The following PIBF1 variants were observed in gnomAD, a reference collection of about 807,000 sequenced individuals.
PIBF1 encodes progesterone immunomodulatory binding factor 1.
In PIBF1, 90 loss-of-function variants were observed where a neutral mutation model predicts 112.5. The observed-to-expected ratio is 0.80, with a 90% CI of 0.67 to 0.95. PIBF1 has a LOEUF of 0.95. Ranked by LOEUF, PIBF1 falls within the 40% of genes least tolerant of loss-of-function variation. PIBF1 has a pLI of 0.00. For synonymous variants in PIBF1, 301 were observed against 288.6 expected, an observed-to-expected ratio of 1.04 and a Z score of -0.44; for missense variants, 915 against 852.3, an observed-to-expected ratio of 1.07 and a Z score of -0.92.
At chr13:72,937,348 T>C (rs1333673631) in intron 14 of PIBF1, among the ~76,000 whole-genome samples, 2 of 152,228 alleles carry the variant, frequency 1.3e-5, no homozygotes, top group Non-Finnish European at 2.9e-5. Context: ...TTATAGTGTA[T>C]ATGTATCTTT....
chr13:72,829,447 AT>A (rs1419199992), intron 8 of PIBF1, among the ~76,000 whole-genome samples: 1 of 152,088 alleles, frequency 6.6e-6, no homozygotes, highest in Non-Finnish European at 1.5e-5. Context: ...TCTTGAGTTG[AT>A]TTTTGTATAA....
At chr13:72,846,251 C>T (rs533740403) in intron 9 of PIBF1, among the ~76,000 whole-genome samples, 37 of 152,172 alleles carry the variant, frequency 2.4e-4, no homozygotes, top group Non-Finnish European at 3.5e-4. Context: ...TCTATTCTTC[C>T]ACTTGCCCAG....
At chr13:72,853,059 TAA>T (rs35684060) in intron 9 of PIBF1, among the ~76,000 whole-genome samples, 10 of 148,444 alleles carry the variant, frequency 6.7e-5, no homozygotes, top group Non-Finnish European at 7.5e-5. Context: ...GAAGGAGATT[TAA>T]AAAAAAAAAT....
intron 14 of PIBF1, among the ~76,000 whole-genome samples, chr13:72,933,245 T>C (rs1349980017): frequency 6.6e-6 from 1 of 152,240 alleles, no homozygotes; most frequent in Non-Finnish European, 1.5e-5. Context: ...AATAAGAATT[T>C]CTAAATGTGG....
intron 16 of PIBF1, among the ~76,000 whole-genome samples, chr13:72,983,563 C>T (rs1434219956): frequency 6.6e-6 from 1 of 152,122 alleles, no homozygotes; most frequent in Non-Finnish European, 1.5e-5. Context: ...CTGCAGTTAG[C>T]CAGGTTTCTT....
chr13:72,931,093 CACAA>C (rs1217105999), intron 13 of PIBF1, 68 bp from the exon 14 acceptor site: 8 of 841,154 alleles, frequency 9.5e-6, no homozygotes, highest in Admixed American at 2.3e-5. Flanking sequence ...TTTTCAAGTA[CACAA>C]ACACATTTTG....
chr13:72,964,166 G>A (rs915384781), intron 14 of PIBF1, among the ~76,000 whole-genome samples: 2 of 152,210 alleles, frequency 1.3e-5, no homozygotes, highest in Non-Finnish European at 2.9e-5. Context: ...AAGGAATGAA[G>A]TTCTGATACA....
intron 5 of PIBF1, among the ~76,000 whole-genome samples, chr13:72,815,257 C>T (rs561875988): frequency 7.3e-4 from 111 of 152,154 alleles, no homozygotes; most frequent in African/African-American, 2.4e-3. Context: ...GAGTATATTC[C>T]AGCACAGAAA....
chr13:72,928,014 T>TAC (rs1219922230), intron 13 of PIBF1, among the ~76,000 whole-genome samples: 9 of 59,044 alleles, frequency 1.5e-4, no homozygotes, highest in South Asian at 7.4e-4. Flanking sequence ...TACATATATA[T>TAC]ACATATATAT....
intron 14 of PIBF1, among the ~76,000 whole-genome samples, chr13:72,954,709 T>G (rs533267656): frequency 2.6e-5 from 4 of 152,360 alleles, no homozygotes; most frequent in African/African-American, 9.6e-5. Context: ...CTCTGGAGAT[T>G]CAGAGTTTTC....
intron 10 of PIBF1, among the ~76,000 whole-genome samples, chr13:72,861,403 T>A (rs1211305142): frequency 6.6e-6 from 1 of 152,150 alleles, no homozygotes; most frequent in Non-Finnish European, 1.5e-5. Context: ...ACTTCTCTGG[T>A]AATGGTAGGA....
chr13:72,994,918 G>A (rs1390843711), intron 16 of PIBF1, among the ~76,000 whole-genome samples: 1 of 152,128 alleles, frequency 6.6e-6, no homozygotes, highest in Non-Finnish European at 1.5e-5. Flanking sequence ...TGTAATAGTA[G>A]CATCAACTAG....
intron 5 of PIBF1, among the ~76,000 whole-genome samples, chr13:72,803,274 TTC>T (rs1416988835): frequency 6.6e-6 from 1 of 151,684 alleles, no homozygotes; most frequent in East Asian, 1.9e-4. Context: ...TTTTGTTTTT[TTC>T]CTTAAGAGAG....
chr13:72,798,976 A>C (rs528811538), intron 5 of PIBF1, among the ~76,000 whole-genome samples: 2 of 152,196 alleles, frequency 1.3e-5, no homozygotes, highest in African/African-American at 4.8e-5. Context: ...CATTAACCCC[A>C]GTGGTGTGCA....
At chr13:72,833,505 C>T (rs2037214185) in intron 8 of PIBF1, among the ~76,000 whole-genome samples, 2 of 152,208 alleles carry the variant, frequency 1.3e-5, no homozygotes, top group African/African-American at 4.8e-5. Context: ...TGACAGGCCC[C>T]TTTGCTGCTG....
chr13:72,939,566 C>T (rs2041958358), intron 14 of PIBF1, among the ~76,000 whole-genome samples: 1 of 152,090 alleles, frequency 6.6e-6, no homozygotes, highest in Admixed American at 6.6e-5. Context: ...AGTACTTTAA[C>T]CCTTTTTATG....
chr13:72,807,142 A>T (rs1019675990), intron 5 of PIBF1, among the ~76,000 whole-genome samples: 1 of 151,572 alleles, frequency 6.6e-6, no homozygotes, highest in African/African-American at 2.4e-5. Flanking sequence ...AATTCTCAGG[A>T]AATTGTTTTC....
intron 7 of PIBF1, 22 bp downstream of exon 7, chr13:72,827,140 C>T: frequency 2.3e-6 from 3 of 1,283,212 alleles, no homozygotes; most frequent in Non-Finnish European, 3.3e-6. Flanking sequence ...ATTAGAGTCA[C>T]TTATATTATA....
chr13:72,814,064 AGAAAGACTC>A (rs1297096763), intron 5 of PIBF1, among the ~76,000 whole-genome samples: 52 of 152,218 alleles, frequency 3.4e-4, no homozygotes, highest in Admixed American at 3.4e-3. Context: ...TTCTGTTAAA[AGAAAGACTC>A]TTATTATGAC....
Sources: allele counts gnomAD v4.1 joint callset (sites outside exome capture counted in the v4.1 genomes callset), GRCh38; gene constraint gnomAD v4.1.1; transcripts MANE v1.5; gene names NCBI Gene and HGNC (gene_info 2026-07-23, HGNC 2026-07-21).